FOXP1: variants seen among roughly 807,000 people sequenced by gnomAD.
FOXP1 encodes the protein forkhead box protein P1.
FOXP1 carries 15 observed loss-of-function variants against 98.2 expected under a neutral mutation model. That is an observed-to-expected ratio of 0.15 (90% CI 0.10 to 0.24). FOXP1 has a LOEUF of 0.24. FOXP1 is among the 10% of genes least tolerant of loss of function. The probability of loss-of-function intolerance (pLI) is 1.00; values close to 1 mark genes in which losing one functional copy is unlikely to be tolerated. For synonymous variants in FOXP1, 371 were observed against 314.5 expected (o/e 1.18, Z -1.90); for missense variants, 633 against 848.5 (o/e 0.75, Z 3.15).
intron 17 of FOXP1, 147 bp downstream of exon 17, chr3:70,976,794 C>CCAAT: frequency 1.5e-6 from 1 of 654,530 alleles, no homozygotes. Context: ...CACTATTTTC[C>CCAAT]CAATCAAATA....
At chr3:71,230,845 A>G (rs1310081747) in intron 5 of FOXP1, among the ~76,000 whole-genome samples, 4 of 152,160 alleles carry the variant, frequency 2.6e-5, no homozygotes, top group African/African-American at 9.7e-5. Context: ...CAACTGTAGG[A>G]GGGGGGTGGT....
rs542548214 is a variant in FOXP1 at position 71,029,642 on chromosome 3, C to T, written c.869+11686G>A. The stretch of plus-strand genomic sequence containing the variant: ...CTGGCCTCAAGTGATCCACCCGCCT[C>T]GGCCTCCCAAAGTGCTGGGATTGTA... On this transcript the variant is annotated intron_variant, in intron 11 of 20. Transcript: ENST00000649528. 2.2e-4 allele frequency among the ~76,000 whole-genome samples: 33 copies of T among 152,274 alleles called. No individual in the cohort carries two copies. The South Asian group carries it at 6.0e-3, about 28-fold the overall frequency.
intron 2 of FOXP1, among the ~76,000 whole-genome samples, chr3:71,567,700 T>C (rs1237699147): frequency 6.6e-6 from 1 of 152,106 alleles, no homozygotes. Context: ...TCGATTAGCT[T>C]GCAATTCCTG....
At chr3:71,362,545 T>C (rs1272247150) in intron 3 of FOXP1, among the ~76,000 whole-genome samples, 1 of 152,094 alleles carries the variant, frequency 6.6e-6, no homozygotes, top group African/African-American at 2.4e-5. Context: ...TCTCTGCTCT[T>C]TGCAGCCTCA....
intron 14 of FOXP1, among the ~76,000 whole-genome samples, chr3:70,979,922 G>C (rs918156765): frequency 1.3e-5 from 2 of 152,058 alleles, no homozygotes; most frequent in Admixed American, 1.3e-4. Flanking sequence ...CATGGCGCTG[G>C]AAACAGAATG....
At chr3:71,068,843 A>C (rs911065397) in intron 7 of FOXP1, among the ~76,000 whole-genome samples, 10 of 152,214 alleles carry the variant, frequency 6.6e-5, no homozygotes, top group Non-Finnish European at 1.2e-4. Context: ...CCCCAGAAGG[A>C]GGACTGCTTT....
intron 5 of FOXP1, among the ~76,000 whole-genome samples, chr3:71,216,141 C>A (rs1351877658): frequency 1.3e-5 from 2 of 152,154 alleles, no homozygotes; most frequent in East Asian, 1.9e-4. Flanking sequence ...CAACTCCCAC[C>A]CCAGGAGCAG....
chr3:71,482,709 ATAACTT>A (rs1359618789), intron 3 of FOXP1, among the ~76,000 whole-genome samples: 1 of 151,738 alleles, frequency 6.6e-6, no homozygotes, highest in Non-Finnish European at 1.5e-5. Context: ...CTAATAATAC[ATAACTT>A]TAAAATTTTT....
intron 3 of FOXP1, among the ~76,000 whole-genome samples, chr3:71,382,193 T>C (rs1005710524): frequency 6.6e-6 from 1 of 151,912 alleles, no homozygotes; most frequent in East Asian, 1.9e-4. Context: ...GAGAATTGCT[T>C]GAGCCCAGGA....
intron 12 of FOXP1, among the ~76,000 whole-genome samples, chr3:71,012,950 C>T (rs1188176373): frequency 1.3e-5 from 2 of 152,050 alleles, no homozygotes; most frequent in Non-Finnish European, 1.5e-5. Context: ...TATCATGTAA[C>T]ATTATATTCA....
chr3:71,256,192 A>G (rs1463798036), intron 5 of FOXP1, among the ~76,000 whole-genome samples: 2 of 152,172 alleles, frequency 1.3e-5, no homozygotes, highest in Non-Finnish European at 2.9e-5. Context: ...GTTTCCTCAC[A>G]TCGTCAAAGA....
At chr3:71,164,207 TA>T (rs1325185284) in intron 6 of FOXP1, among the ~76,000 whole-genome samples, 1 of 152,178 alleles carries the variant, frequency 6.6e-6, no homozygotes, top group Non-Finnish European at 1.5e-5. Context: ...TTTTATTTTT[TA>T]TTTTTTTTTG....
At position 71,071,006 on chromosome 3, in the gene FOXP1, C is replaced by A. The variant is rs567826618; in HGVS notation, c.283-17233G>T. On this transcript the variant is annotated intron_variant, in intron 7 of 20. Coordinates refer to ENST00000649528, the MANE Select transcript of FOXP1 (RefSeq NM_001349338.3). ...CCCTCCAAGATAATTGCCTTCCACA[C>A]TGTGTGGCATAGAAGCTGCTACACA... 8.5e-5 allele frequency among the ~76,000 whole-genome samples: 13 copies of A among 152,310 alleles called. No individual in the cohort carries two copies. The East Asian group carries it at 2.5e-3, about 29-fold the overall frequency.
At chr3:71,493,586 C>T (rs558041504) in intron 2 of FOXP1, 31 bp from the exon 3 acceptor site, 1 of 152,276 alleles carries the variant, frequency 6.6e-6, no homozygotes, top group South Asian at 2.1e-4. Context: ...TTACACATAA[C>T]TAAGATGTAA....
At chr3:71,051,053 T>C (rs184509721) in intron 9 of FOXP1, among the ~76,000 whole-genome samples, 131 of 152,336 alleles carry the variant, frequency 8.6e-4, no homozygotes, top group Admixed American at 2.5e-3. Flanking sequence ...TTAACGCGCA[T>C]TGAACTGCCA....
chr3:71,121,127 T>C (rs1320409365), intron 6 of FOXP1, among the ~76,000 whole-genome samples: 1 of 151,864 alleles, frequency 6.6e-6, no homozygotes, highest in Non-Finnish European at 1.5e-5. Flanking sequence ...TTTGCCTGCA[T>C]TAGCGTTGTG....
intron 3 of FOXP1, among the ~76,000 whole-genome samples, chr3:71,413,234 T>C (rs1303550512): frequency 3.2e-4 from 13 of 41,256 alleles, no homozygotes; most frequent in East Asian, 1.3e-3. Context: ...CCCCCCCAAA[T>C]AGACACACAC....
chr3:71,215,653 T>G (rs1181043206), intron 5 of FOXP1, among the ~76,000 whole-genome samples: 5 of 127,180 alleles, frequency 3.9e-5, no homozygotes, highest in African/African-American at 1.3e-4. Context: ...GAATTCTCAG[T>G]TCAACTTAAA....
At position 71,059,904 on chromosome 3, in the gene FOXP1, G is replaced by A. The variant is rs531093988; in HGVS notation, c.283-6131C>T. ...AAAAATAATGAAAGAGACAGCAACT[G>A]TTTCCATCCTACCTGAGACACATAC... On this transcript the variant is annotated intron_variant, in intron 7 of 20. Transcript: ENST00000649528. Among the ~76,000 whole-genome samples, 5 of 152,164 alleles carry A rather than the reference G, an allele frequency of 3.3e-5. 1 individual carries two copies. In the South Asian group the frequency reaches 1.0e-3, roughly 32 times the overall value.
Sources: allele counts gnomAD v4.1 joint callset (sites outside exome capture counted in the v4.1 genomes callset), GRCh38; gene constraint gnomAD v4.1.1; transcripts MANE v1.5; gene names NCBI Gene and HGNC (gene_info 2026-07-23, HGNC 2026-07-21).